DLG2: variants seen among roughly 807,000 people sequenced by gnomAD.
DLG2 encodes the protein disks large homolog 2.
Under a neutral mutation model 132.5 loss-of-function variants are expected in DLG2, and 45 were observed. That is an observed-to-expected ratio of 0.34 (90% CI 0.27 to 0.44). DLG2 has a LOEUF of 0.44. Ranked by LOEUF, DLG2 falls within the 20% of genes least tolerant of loss-of-function variation. DLG2 has a pLI of 1.00. For synonymous variants in DLG2, 424 were observed against 419.6 expected, an observed-to-expected ratio of 1.01 and a Z score of -0.13; for missense variants, 1,045 against 1,196.9, an observed-to-expected ratio of 0.87 and a Z score of 1.87.
At chr11:83,999,670 C>G (rs2094238402) in intron 11 of DLG2, among the ~76,000 whole-genome samples, 1 of 152,144 alleles carries the variant, frequency 6.6e-6, no homozygotes, top group South Asian at 2.1e-4. Context: ...GACTGCTTGG[C>G]ATCCCACTCC....
intron 6 of DLG2, among the ~76,000 whole-genome samples, chr11:84,631,008 TCTCTCTCTCTCACACACACACA>T (rs1402091567): frequency 2.3e-5 from 3 of 130,036 alleles, no homozygotes; most frequent in African/African-American, 3.3e-5. Context: ...TCTCTCTCTC[TCTCTCTCTCTCACACACACACA>T]CACACACACA....
intron 7 of DLG2, among the ~76,000 whole-genome samples, chr11:84,517,739 G>T (rs2099278041): frequency 6.6e-6 from 1 of 151,934 alleles, no homozygotes; most frequent in Non-Finnish European, 1.5e-5. Flanking sequence ...CCAAAATATG[G>T]AATCAACCTA....
chr11:84,510,334 A>G (rs1313364132), intron 7 of DLG2, among the ~76,000 whole-genome samples: 1 of 152,030 alleles, frequency 6.6e-6, no homozygotes, highest in African/African-American at 2.4e-5. Context: ...TCTCAAGATC[A>G]TATTCACCAC....
At chr11:83,571,828 T>C (rs1243856139) in intron 19 of DLG2, among the ~76,000 whole-genome samples, 1 of 152,178 alleles carries the variant, frequency 6.6e-6, no homozygotes, top group Non-Finnish European at 1.5e-5. Flanking sequence ...AACATCATTG[T>C]CTGATGTGTT....
At chr11:85,532,128 G>A (rs1424957799) in intron 3 of DLG2, among the ~76,000 whole-genome samples, 1 of 152,026 alleles carries the variant, frequency 6.6e-6, no homozygotes, top group Non-Finnish European at 1.5e-5. Flanking sequence ...CGCTTTTCTA[G>A]GTTCTCACTT....
intron 14 of DLG2, among the ~76,000 whole-genome samples, chr11:83,960,936 T>C (rs1196535604): frequency 6.6e-6 from 1 of 151,954 alleles, no homozygotes; most frequent in Non-Finnish European, 1.5e-5. Context: ...CATTCTGATT[T>C]TGTAGGGAAA....
chr11:84,261,784 T>A (rs1246065160), intron 7 of DLG2, among the ~76,000 whole-genome samples: 1 of 152,150 alleles, frequency 6.6e-6, no homozygotes, highest in Non-Finnish European at 1.5e-5. Flanking sequence ...TGTTAATTGA[T>A]TTTTAGACCT....
intron 7 of DLG2, among the ~76,000 whole-genome samples, chr11:84,369,043 T>G (rs964492425): frequency 6.6e-6 from 1 of 152,130 alleles, no homozygotes; most frequent in Non-Finnish European, 1.5e-5. Flanking sequence ...AAATCACGTA[T>G]CCATCCCATT....
At chr11:84,867,004 T>C (rs1297307828) in intron 6 of DLG2, among the ~76,000 whole-genome samples, 1 of 152,224 alleles carries the variant, frequency 6.6e-6, no homozygotes, top group East Asian at 1.9e-4. Context: ...AGGTAAGCAG[T>C]AAAGATTTTA....
At chr11:84,589,449 G>A (rs1268543990) in intron 6 of DLG2, among the ~76,000 whole-genome samples, 1 of 152,064 alleles carries the variant, frequency 6.6e-6, no homozygotes, top group Non-Finnish European at 1.5e-5. Flanking sequence ...TCAATCCTGT[G>A]AAAAGTCATT....
chr11:84,231,487 G>A (rs1463999413), intron 8 of DLG2, among the ~76,000 whole-genome samples: 1 of 152,064 alleles, frequency 6.6e-6, no homozygotes, highest in Admixed American at 6.6e-5. Context: ...GATACTGAAG[G>A]ACGGGTAGGA....
At chr11:85,264,766 A>G (rs572242971) in intron 4 of DLG2, among the ~76,000 whole-genome samples, 21 of 152,168 alleles carry the variant, frequency 1.4e-4, no homozygotes, top group Non-Finnish European at 2.5e-4. Flanking sequence ...ATTTGCCCCC[A>G]GGGGTTTTTC....
At chr11:84,642,515 A>C (rs1459542232) in intron 6 of DLG2, among the ~76,000 whole-genome samples, 3 of 152,156 alleles carry the variant, frequency 2.0e-5, no homozygotes, top group Admixed American at 1.3e-4. Context: ...CCTATGTACC[A>C]AGCACCATAT....
chr11:85,422,177 T>G (rs904739124), intron 3 of DLG2, among the ~76,000 whole-genome samples: 3 of 152,246 alleles, frequency 2.0e-5, no homozygotes, highest in Non-Finnish European at 4.4e-5. Context: ...AATAATCTTT[T>G]TGCAATGAAT....
chr11:84,906,508 C>T (rs2091535643), intron 6 of DLG2, among the ~76,000 whole-genome samples: 1 of 151,624 alleles, frequency 6.6e-6, no homozygotes, highest in Admixed American at 6.6e-5. Flanking sequence ...AGACAGGAGA[C>T]ATGATAATTT....
intron 18 of DLG2, among the ~76,000 whole-genome samples, chr11:83,768,703 C>A (rs1022658634): frequency 3.3e-5 from 5 of 152,182 alleles, no homozygotes; most frequent in Non-Finnish European, 7.3e-5. Context: ...GATCCTGAGG[C>A]CATGCATATA....
intron 16 of DLG2, among the ~76,000 whole-genome samples, chr11:83,861,312 C>T (rs571820753): frequency 6.6e-6 from 1 of 152,294 alleles, no homozygotes; most frequent in African/African-American, 2.4e-5. Flanking sequence ...CTATGGAGAA[C>T]AGTTTGGATG....
chr11:84,268,064 G>A (rs1213664393), intron 7 of DLG2, among the ~76,000 whole-genome samples: 1 of 152,186 alleles, frequency 6.6e-6, no homozygotes, highest in Non-Finnish European at 1.5e-5. Flanking sequence ...TAGATCACAA[G>A]TTGGAGAAAG....
rs375022187 is a variant in DLG2, at chr11:83,847,766, A to G, written c.1566-13996T>C. Among the ~76,000 whole-genome samples, 11 of 152,276 alleles carry G rather than the reference A, an allele frequency of 7.2e-5. 1 individual carries two copies. The East Asian group carries it at 1.9e-3, about 27-fold the overall frequency. The stretch of plus-strand genomic sequence containing the variant: ...TTCCCATTTCTAAAACCACAATTCC[A>G]CTTGATGATTTAATAAATATTTAGT... On this transcript the variant is annotated intron_variant, in intron 16 of 27. Transcript: ENST00000376104.
Sources: gnomAD v4.1 joint callset for allele counts (sites outside exome capture counted in the v4.1 genomes callset) on GRCh38, gnomAD v4.1.1 for gene constraint, MANE v1.5 for transcripts, NCBI Gene and HGNC (gene_info 2026-07-23, HGNC 2026-07-21) for gene names.